The following HAPLN1 variants were observed in gnomAD, a reference collection of about 807,000 sequenced individuals.
HAPLN1 encodes Cartilage link protein.
In HAPLN1, 13 loss-of-function variants were observed where a neutral mutation model predicts 36.5. The observed-to-expected ratio is 0.36, with a 90% CI of 0.23 to 0.57. The LOEUF (loss-of-function observed/expected upper bound fraction) is 0.57, where lower values mean the gene tolerates loss of function less well. Ranked by LOEUF, HAPLN1 falls within the 20% of genes least tolerant of loss-of-function variation. HAPLN1 has a pLI of 0.83. For synonymous variants in HAPLN1, 202 were observed against 169.8 expected, an observed-to-expected ratio of 1.19 and a Z score of -1.48; for missense variants, 407 against 439.7, an observed-to-expected ratio of 0.93 and a Z score of 0.66.
intron 1 of HAPLN1, among the ~76,000 whole-genome samples, chr5:83,681,131 C>A (rs1232637617): frequency 1.3e-5 from 2 of 152,100 alleles, no homozygotes; most frequent in Non-Finnish European, 2.9e-5. Flanking sequence ...TAAAATTAGA[C>A]CTTTAAAATA....
intron 2 of HAPLN1, among the ~76,000 whole-genome samples, chr5:83,656,945 A>G (rs1485267620): frequency 6.6e-6 from 1 of 152,188 alleles, no homozygotes; most frequent in Non-Finnish European, 1.5e-5. Flanking sequence ...GGAGAAAAAC[A>G]ATTTAAAACT....
At chr5:83,652,920 C>A in intron 2 of HAPLN1, 96 bp from the exon 3 acceptor site, 1 of 1,199,882 alleles carries the variant, frequency 8.3e-7, no homozygotes, top group South Asian at 1.7e-5. Context: ...GGATATCTGA[C>A]AAAGGATAGC....
chr5:83,701,401 C>T (rs528086369), intron 1 of HAPLN1, among the ~76,000 whole-genome samples: 7 of 152,306 alleles, frequency 4.6e-5, no homozygotes, highest in African/African-American at 1.4e-4. Context: ...GTGAAGTACA[C>T]AGTGCTTTCT....
At chr5:83,664,094 C>T (rs1750488041) in intron 2 of HAPLN1, among the ~76,000 whole-genome samples, 1 of 152,156 alleles carries the variant, frequency 6.6e-6, no homozygotes, top group African/African-American at 2.4e-5. Flanking sequence ...TGCCTCCTGC[C>T]TACTCTCTGA....
chr5:83,695,823 A>G (rs952714955), intron 1 of HAPLN1, among the ~76,000 whole-genome samples: 5 of 151,868 alleles, frequency 3.3e-5, no homozygotes, highest in Admixed American at 6.6e-5. Context: ...ATCATACTTA[A>G]TGGTAAAAGA....
At chr5:83,718,639 C>T (rs1228245597) in intron 1 of HAPLN1, among the ~76,000 whole-genome samples, 1 of 152,276 alleles carries the variant, frequency 6.6e-6, no homozygotes, top group South Asian at 2.1e-4. Flanking sequence ...AGGCTAAGTA[C>T]ACTTAAATGA....
intron 3 of HAPLN1, among the ~76,000 whole-genome samples, 153 bp from the exon 4 acceptor site, chr5:83,644,818 C>T (rs1374737461): frequency 6.6e-6 from 1 of 152,166 alleles, no homozygotes; most frequent in Non-Finnish European, 1.5e-5. Flanking sequence ...GATCCCTTTC[C>T]CCTTCAAGCA....
intron 1 of HAPLN1, among the ~76,000 whole-genome samples, chr5:83,713,115 T>C (rs997223689): frequency 5.9e-5 from 9 of 152,228 alleles, no homozygotes; most frequent in African/African-American, 2.2e-4. Context: ...ACACATTGAT[T>C]ACTGATTTTT....
In HAPLN1 at chr5:83,641,346, A is replaced by G; in HGVS notation, c.*150T>C. On this transcript the variant is annotated 3_prime_UTR_variant, in exon 5 of 5. Coordinates refer to ENST00000274341, the MANE Select transcript of HAPLN1 (RefSeq NM_001884.4). ...ATGATAGCTTTACAAAAAACAAATC[A>G]ATGAATTGATCTTTATGAAAATGAC... 1.8e-6 allele frequency: 1 copy of G among 559,960 alleles called. No homozygotes were observed. 34.7% of individuals were successfully genotyped at this position (559,960 alleles called of 1,614,324 possible). A position where few individuals can be genotyped will look rare whatever the true frequency, so the allele number is the denominator to read the frequency against.
At position 83,649,443 on chromosome 5, in the gene HAPLN1, T is replaced by TTTG. The variant is rs1749984556; in HGVS notation, c.472+3009_472+3010insCAA. ...GGTCCAAATCAAGTATCTGGTTTTTTTTTGTTTGTTTGTTTGTTTTTTTGA... is the reference window on the plus strand; with the variant it reads ...GGTCCAAATCAAGTATCTGGTTTTTTTTGTTTGTTTGTTTGTTTGTTTTTTTGA... On this transcript the variant is annotated intron_variant, in intron 3 of 4. Transcript: ENST00000274341. 2.0e-5 allele frequency among the ~76,000 whole-genome samples: 3 copies of TTTG among 152,132 alleles called. No individual in the cohort carries two copies. In the South Asian group the frequency reaches 6.2e-4, roughly 31 times the overall value.
chr5:83,688,237 T>C (rs1310224163), intron 1 of HAPLN1, among the ~76,000 whole-genome samples: 2 of 152,196 alleles, frequency 1.3e-5, no homozygotes, highest in Non-Finnish European at 2.9e-5. Flanking sequence ...TTATTTTCTA[T>C]AGTGTACATT....
At chr5:83,693,987 C>G (rs1024611619) in intron 1 of HAPLN1, among the ~76,000 whole-genome samples, 2 of 151,898 alleles carry the variant, frequency 1.3e-5, no homozygotes, top group African/African-American at 4.8e-5. Flanking sequence ...TCAACAAGAG[C>G]AAGTACACAT....
chr5:83,682,822 C>T (rs1751038088), intron 1 of HAPLN1, among the ~76,000 whole-genome samples: 1 of 152,092 alleles, frequency 6.6e-6, no homozygotes, highest in Non-Finnish European at 1.5e-5. Flanking sequence ...ATAATTCATC[C>T]TAATAGGTTT....
intron 1 of HAPLN1, among the ~76,000 whole-genome samples, chr5:83,698,116 T>G (rs969992992): frequency 2.0e-5 from 3 of 152,146 alleles, no homozygotes; most frequent in African/African-American, 4.8e-5. Context: ...TTTACACCTA[T>G]GTTGTCTTCA....
intron 1 of HAPLN1, among the ~76,000 whole-genome samples, chr5:83,679,830 T>C (rs1466673175): frequency 6.6e-6 from 1 of 152,212 alleles, no homozygotes; most frequent in Non-Finnish European, 1.5e-5. Flanking sequence ...GGGTCAAGTA[T>C]TTTTTATCTG....
intron 1 of HAPLN1, among the ~76,000 whole-genome samples, chr5:83,705,569 T>C (rs1018674592): frequency 6.6e-6 from 1 of 152,022 alleles, no homozygotes; most frequent in Non-Finnish European, 1.5e-5. Flanking sequence ...GGGACACAGC[T>C]AAGGCAGTGT....
At chr5:83,682,995 T>C (rs1580147678) in intron 1 of HAPLN1, among the ~76,000 whole-genome samples, 1 of 152,200 alleles carries the variant, frequency 6.6e-6, no homozygotes, top group East Asian at 1.9e-4. Context: ...ACTACTGCTG[T>C]AGACTTCAAA....
At chr5:83,661,493 G>A (rs1012660800) in intron 2 of HAPLN1, among the ~76,000 whole-genome samples, 33 of 132,004 alleles carry the variant, frequency 2.5e-4, no homozygotes, top group African/African-American at 8.9e-4. Flanking sequence ...TGCGAAGGCC[G>A]GAGTGCAGTG....
chr5:83,657,464 A>T (rs1750253272), intron 2 of HAPLN1, among the ~76,000 whole-genome samples: 1 of 152,148 alleles, frequency 6.6e-6, no homozygotes, highest in Admixed American at 6.5e-5. Flanking sequence ...ATGAATCATC[A>T]TGGGAAACAA....
Sources: gnomAD v4.1 joint callset for allele counts (sites outside exome capture counted in the v4.1 genomes callset) on GRCh38, gnomAD v4.1.1 for gene constraint, MANE v1.5 for transcripts, NCBI Gene and HGNC (gene_info 2026-07-23, HGNC 2026-07-21) for gene names.